The following ALMS1 variants were observed in gnomAD, a reference collection of about 807,000 sequenced individuals.
The protein encoded by ALMS1 is ALMS1 centrosome and basal body associated protein.
Under a neutral mutation model 352.2 loss-of-function variants are expected in ALMS1, and 271 were observed. The ratio of observed to expected loss-of-function variants is 0.77; its 90% CI spans 0.70 to 0.85. The LOEUF (loss-of-function observed/expected upper bound fraction) is 0.85. ALMS1 is among the 40% of genes least tolerant of loss of function. ALMS1 has a pLI of 0.00. For missense variants in ALMS1, 5,445 were observed against 4,870.7 expected (o/e 1.12, Z -3.51); for synonymous variants, 1,865 against 1,761.2 (o/e 1.06, Z -1.48).
intron 10 of ALMS1, among the ~76,000 whole-genome samples, chr2:73,507,557 T>C (rs188864580): frequency 2.0e-3 from 300 of 152,318 alleles, no homozygotes; most frequent in African/African-American, 6.9e-3. Context: ...CTAGTTTATT[T>C]GCGTAGAGGT....
intron 13 of ALMS1, among the ~76,000 whole-genome samples, chr2:73,554,704 G>C (rs376944297): frequency 6.6e-6 from 1 of 152,058 alleles, no homozygotes; most frequent in African/African-American, 2.4e-5. Context: ...TTTAAAATCA[G>C]GTGTTACCCT....
At chr2:73,580,752 G>A (rs1173906789) in intron 16 of ALMS1, among the ~76,000 whole-genome samples, 1 of 152,132 alleles carries the variant, frequency 6.6e-6, no homozygotes, top group African/African-American at 2.4e-5. Context: ...AGTTAAAGTT[G>A]TTGGTTTATT....
chr2:73,403,186 C>T (rs1210647256), intron 1 of ALMS1, among the ~76,000 whole-genome samples: 1 of 152,142 alleles, frequency 6.6e-6, no homozygotes, highest in Non-Finnish European at 1.5e-5. Flanking sequence ...GTTCTTTAAT[C>T]AACTTTGAGT....
intron 7 of ALMS1, 108 bp downstream of exon 7, chr2:73,432,399 A>G (rs1359653791): frequency 1.4e-6 from 1 of 740,704 alleles, no homozygotes; most frequent in Admixed American, 2.2e-5. Context: ...TAATAATTAT[A>G]CTTCAGATTA....
At chr2:73,554,875 G>T (rs1239264660) in intron 13 of ALMS1, among the ~76,000 whole-genome samples, 3 of 152,010 alleles carry the variant, frequency 2.0e-5, no homozygotes, top group Non-Finnish European at 4.4e-5. Context: ...CAATTAAAAA[G>T]ATATTTTAAA....
intron 11 of ALMS1, among the ~76,000 whole-genome samples, chr2:73,520,982 T>C (rs1673663425): frequency 6.6e-6 from 1 of 152,170 alleles, no homozygotes; most frequent in South Asian, 2.1e-4. Context: ...TCTCTACTTA[T>C]ACAAAAAACT....
intron 15 of ALMS1, among the ~76,000 whole-genome samples, chr2:73,571,581 A>G (rs938465755): frequency 1.3e-5 from 2 of 152,216 alleles, no homozygotes; most frequent in African/African-American, 2.4e-5. Context: ...ACCTAATACT[A>G]TTATATTGGG....
intron 15 of ALMS1, among the ~76,000 whole-genome samples, chr2:73,569,926 T>A (rs1674883624): frequency 6.6e-6 from 1 of 152,172 alleles, no homozygotes. Context: ...AAATAGAAAA[T>A]GACAAGTCCA....
intron 7 of ALMS1, among the ~76,000 whole-genome samples, chr2:73,436,635 T>A (rs1671609003): frequency 6.6e-6 from 1 of 152,200 alleles, no homozygotes; most frequent in African/African-American, 2.4e-5. Flanking sequence ...GTTTGCTGAT[T>A]TTTTTCTTCT....
intron 20 of ALMS1, among the ~76,000 whole-genome samples, chr2:73,602,607 C>G (rs1251205821): frequency 6.6e-6 from 1 of 152,232 alleles, no homozygotes; most frequent in Admixed American, 6.5e-5. Flanking sequence ...TAAACCAGCT[C>G]TGTGTCTGTG....
Position 73,448,057 on chromosome 2 carries a change from A to G in ALMS1, c.1530A>G (p.Leu510=). The G allele has an allele frequency of 1.2e-6, 2 of 1,613,888 alleles. No individual in the cohort carries two copies. Among genetic ancestry groups the G allele is most frequent in the South Asian group, 1.1e-5 (1 of 91,068 alleles). Residue 510 remains leucine, a synonymous_variant, in exon 8 of 23, where the codon TTA becomes TTG. Transcript: ENST00000613296. The part of the protein sequence containing the change: ...TPVDSDIGSH[L]SLSLEDLSQL... Reference sequence around the variant, plus strand: ...TTGATTCAGACATTGGATCTCATTTATCCTTGTCCCTTGAGGACCTGTCTC... The same window carrying G: ...TTGATTCAGACATTGGATCTCATTTGTCCTTGTCCCTTGAGGACCTGTCTC...
At chr2:73,420,479 A>G (rs1190988977) in intron 3 of ALMS1, among the ~76,000 whole-genome samples, 1 of 152,188 alleles carries the variant, frequency 6.6e-6, no homozygotes. Context: ...CCTTTATTAA[A>G]AAAGGTTTGC....
At chr2:73,459,409 G>A (rs1213701797) in intron 9 of ALMS1, 1 of 152,052 alleles carries the variant, frequency 6.6e-6, no homozygotes, top group African/African-American at 2.4e-5. Flanking sequence ...AATATCTCTA[G>A]TTTAGGATCT....
intron 2 of ALMS1, among the ~76,000 whole-genome samples, chr2:73,415,802 T>C (rs973103187): frequency 6.6e-6 from 1 of 151,960 alleles, no homozygotes; most frequent in African/African-American, 2.4e-5. Flanking sequence ...GCTGAGCAAA[T>C]AGGATAATGG....
rs1254495717 is a variant in ALMS1, at chr2:73,386,166, G to C, written c.298G>C (p.Glu100Gln). 1 of 1,550,066 alleles carries C rather than the reference G, an allele frequency of 6.5e-7. No individual in the cohort carries two copies. The highest frequency in any genetic ancestry group is 1.4e-5 in the African/African-American group (1 of 72,926). The change falls in exon 1 of 23, where the codon GAG becomes CAG. Residue 100 changes from glutamate to glutamine, a missense_variant. By Grantham distance (29) the Glu-to-Gln change is conservative. Transcript: ENST00000613296. The part of the protein sequence containing the change: ...PLSPPQHRYS[E>Q]GERTSLEKIV... ...GTCGCCCCCGCAGCACCGCTACTCG[G>C]AGGGCGAGCGGACCTCCCTGGAGAA...
chr2:73,414,991 T>G (rs1313285963), intron 2 of ALMS1, among the ~76,000 whole-genome samples: 1 of 152,206 alleles, frequency 6.6e-6, no homozygotes, highest in Non-Finnish European at 1.5e-5. Flanking sequence ...ACACATTTAG[T>G]TTTCAACCTC....
intron 9 of ALMS1, among the ~76,000 whole-genome samples, chr2:73,455,699 G>A (rs1305539521): frequency 1.3e-5 from 2 of 152,222 alleles, no homozygotes; most frequent in Non-Finnish European, 1.5e-5. Flanking sequence ...ACTGTGCCTA[G>A]GCAGGCATCT....
chr2:73,497,940 A>C (rs1673143882), intron 10 of ALMS1, among the ~76,000 whole-genome samples: 1 of 151,756 alleles, frequency 6.6e-6, no homozygotes, highest in South Asian at 2.1e-4. Context: ...TTAAGCCTAT[A>C]GGTTTACAGG....
At chr2:73,574,540 G>C (rs1304260161) in intron 16 of ALMS1, among the ~76,000 whole-genome samples, 1 of 152,098 alleles carries the variant, frequency 6.6e-6, no homozygotes, top group East Asian at 1.9e-4. Flanking sequence ...AAAGAAATTG[G>C]AGACCACTGG....
Sources: allele counts gnomAD v4.1 joint callset (sites outside exome capture counted in the v4.1 genomes callset), GRCh38; gene constraint gnomAD v4.1.1; transcripts MANE v1.5; gene names NCBI Gene and HGNC (gene_info 2026-07-23, HGNC 2026-07-21).